PHF24: variants seen among roughly 807,000 people sequenced by gnomAD.
The protein encoded by PHF24 is PHD finger protein 24.
In PHF24, 25 loss-of-function variants were observed where a neutral mutation model predicts 42.6. The observed-to-expected ratio is 0.59, with a 90% confidence interval of 0.43 to 0.82. The LOEUF (loss-of-function observed/expected upper bound fraction) is 0.82. Among genes scored for constraint, PHF24 ranks in the 40% least tolerant of loss-of-function variants. PHF24 has a pLI of 0.00. For synonymous variants in PHF24, 185 were observed against 204.8 expected, an observed-to-expected ratio of 0.90 and a Z score of 0.83; for missense variants, 470 against 538.1, an observed-to-expected ratio of 0.87 and a Z score of 1.25.
chr9:34,808,614 G>A, the PHF24 span, among the ~76,000 whole-genome samples: 1 of 152,208 alleles, frequency 6.6e-6, no homozygotes, highest in African/African-American at 2.4e-5. Context: ...CCAACAGTTT[G>A]GTGTCTGGTA....
At chr9:34,688,624 A>G in the PHF24 span, among the ~76,000 whole-genome samples, 3 of 151,954 alleles carry the variant, frequency 2.0e-5, no homozygotes, top group African/African-American at 7.3e-5. Context: ...TCTGACTCCC[A>G]GGTCTGTCTG....
the PHF24 span, among the ~76,000 whole-genome samples, chr9:34,748,588 C>T: frequency 6.6e-6 from 1 of 152,248 alleles, no homozygotes; most frequent in Admixed American, 6.5e-5. Context: ...CCTGGTAATC[C>T]AGATAATTCT....
At chr9:34,811,333 G>A in the PHF24 span, among the ~76,000 whole-genome samples, 2 of 152,216 alleles carry the variant, frequency 1.3e-5, no homozygotes, top group Non-Finnish European at 2.9e-5. Context: ...ATGCAACCGT[G>A]TTGAGAGGTG....
At chr9:34,933,477 C>A in the PHF24 span, among the ~76,000 whole-genome samples, 1 of 152,080 alleles carries the variant, frequency 6.6e-6, no homozygotes, top group African/African-American at 2.4e-5. Context: ...GTAATCCCAG[C>A]ACTTTGGGAG....
the PHF24 span, among the ~76,000 whole-genome samples, chr9:34,729,116 G>A: frequency 0.012 from 1,796 of 152,210 alleles, 40 homozygotes; most frequent in African/African-American, 0.041. Context: ...ACTATGTTGC[G>A]GGAAGGGCCT....
the PHF24 span, among the ~76,000 whole-genome samples, chr9:34,791,835 C>G: frequency 1.3e-5 from 2 of 152,126 alleles, no homozygotes; most frequent in Admixed American, 6.5e-5. Flanking sequence ...GTGGGCCACC[C>G]AAGAGCATTC....
chr9:34,723,754 C>A, the PHF24 span: 8 of 1,551,718 alleles, frequency 5.2e-6, no homozygotes, highest in Non-Finnish European at 7.0e-6. Flanking sequence ...AAGCCTGGGG[C>A]AACACAGTCT....
At chr9:34,893,935 T>A in the PHF24 span, among the ~76,000 whole-genome samples, 1 of 152,170 alleles carries the variant, frequency 6.6e-6, no homozygotes, top group African/African-American at 2.4e-5. Flanking sequence ...GCTGATATAC[T>A]CAATATCTTT....
the PHF24 span, chr9:34,710,254 T>C: frequency 6.6e-6 from 4 of 605,760 alleles, no homozygotes; most frequent in East Asian, 8.4e-5. Context: ...CCCACTTATC[T>C]CAAACTAAGT....
chr9:34,828,911 T>TTATCTATATCTATATCTA, the PHF24 span, among the ~76,000 whole-genome samples: 29,712 of 143,270 alleles, frequency 0.21, 3,556 homozygotes, highest in East Asian at 0.3. Context: ...TTGCATGGTT[T>TTATCTATATCTATATCTA]TATCTATATC....
chr9:34,797,121 A>G, the PHF24 span, among the ~76,000 whole-genome samples: 1 of 152,140 alleles, frequency 6.6e-6, no homozygotes, highest in Non-Finnish European at 1.5e-5. Context: ...AGGGCGTGCG[A>G]TGGGGGTGTG....
At chr9:34,920,813 C>T in the PHF24 span, among the ~76,000 whole-genome samples, 3 of 152,134 alleles carry the variant, frequency 2.0e-5, no homozygotes, top group Non-Finnish European at 4.4e-5. Flanking sequence ...TTGCTGTTAG[C>T]ATATAGAAAT....
the PHF24 span, among the ~76,000 whole-genome samples, chr9:34,823,132 CTTGCAGTGAGCCGAGA>C: frequency 2.9e-5 from 4 of 137,670 alleles, no homozygotes; most frequent in African/African-American, 1.1e-4. Flanking sequence ...GGAAGCGGAG[CTTGCAGTGAGCCGAGA>C]TTGCGCCACT....
chr9:34,737,171 C>T, the PHF24 span, among the ~76,000 whole-genome samples: 1 of 152,120 alleles, frequency 6.6e-6, no homozygotes, highest in Non-Finnish European at 1.5e-5. Flanking sequence ...CAAAGAGAAA[C>T]CCTGTATTTA....
chr9:34,723,441 C>T, the PHF24 span: 1 of 1,551,792 alleles, frequency 6.4e-7, no homozygotes, highest in East Asian at 2.4e-5. Context: ...GTCGGCTTCT[C>T]CGTCTTACTT....
chr9:34,816,254 A>G, the PHF24 span, among the ~76,000 whole-genome samples: 1 of 152,130 alleles, frequency 6.6e-6, no homozygotes, highest in Non-Finnish European at 1.5e-5. Context: ...CTGTGTTCTC[A>G]CTGGATTAAA....
the PHF24 span, among the ~76,000 whole-genome samples, chr9:34,888,815 C>T: frequency 1.1e-4 from 17 of 152,296 alleles, no homozygotes; most frequent in African/African-American, 3.8e-4. Flanking sequence ...GAGCCCAACA[C>T]ACCATGGGAC....
At chr9:34,733,950 G>A in the PHF24 span, among the ~76,000 whole-genome samples, 3 of 151,792 alleles carry the variant, frequency 2.0e-5, no homozygotes, top group Non-Finnish European at 4.4e-5. Flanking sequence ...TTACACTGAG[G>A]TACATCTAAC....
the PHF24 span, among the ~76,000 whole-genome samples, chr9:34,898,908 C>T: frequency 1.3e-5 from 2 of 152,212 alleles, no homozygotes; most frequent in Non-Finnish European, 2.9e-5. Flanking sequence ...TCCACTCCAG[C>T]AATTCGCCTG....
Sources: allele counts gnomAD v4.1 joint callset (sites outside exome capture counted in the v4.1 genomes callset), GRCh38; gene constraint gnomAD v4.1.1; transcripts MANE v1.5; gene names NCBI Gene and HGNC (gene_info 2026-07-23, HGNC 2026-07-21).